Variants in GPM6A observed in about 807,000 individuals in gnomAD.
The protein encoded by GPM6A is neuronal membrane glycoprotein M6-a.
Under a neutral mutation model 32.1 loss-of-function variants are expected in GPM6A, and 7 were observed. The ratio of observed to expected loss-of-function variants is 0.22; its 90% CI spans 0.12 to 0.41. The LOEUF is 0.41. GPM6A is among the 10% of genes least tolerant of loss of function. GPM6A has a pLI of 1.00. For synonymous variants in GPM6A, 130 were observed against 123.4 expected, an observed-to-expected ratio of 1.05 and a Z score of -0.35; for missense variants, 235 against 347.2, an observed-to-expected ratio of 0.68 and a Z score of 2.57.
At chr4:175,896,229 G>C (rs1339670171) in intron 1 of GPM6A, among the ~76,000 whole-genome samples, 1 of 152,080 alleles carries the variant, frequency 6.6e-6, no homozygotes, top group Non-Finnish European at 1.5e-5. Flanking sequence ...AAGGTAGATG[G>C]TAAGATCCCA....
chr4:175,824,175 T>A (rs1449004047), intron 1 of GPM6A, among the ~76,000 whole-genome samples: 1 of 152,196 alleles, frequency 6.6e-6, no homozygotes, highest in Non-Finnish European at 1.5e-5. Flanking sequence ...TTTGGATAGA[T>A]ATTTGGCCAG....
At chr4:175,840,976 ATTAC>A (rs1560959838) in intron 1 of GPM6A, among the ~76,000 whole-genome samples, 4 of 152,222 alleles carry the variant, frequency 2.6e-5, no homozygotes, top group African/African-American at 9.6e-5. Flanking sequence ...AACTCTGCTT[ATTAC>A]TTACTTATTA....
chr4:175,866,894 T>A (rs1736758655), intron 1 of GPM6A, among the ~76,000 whole-genome samples: 1 of 151,700 alleles, frequency 6.6e-6, no homozygotes, highest in South Asian at 2.1e-4. Context: ...AATGAATGAG[T>A]GTTTTGGATG....
chr4:175,672,359 G>C (rs1349870838), intron 3 of GPM6A, among the ~76,000 whole-genome samples: 2 of 152,192 alleles, frequency 1.3e-5, no homozygotes, highest in African/African-American at 2.4e-5. Flanking sequence ...TAAAAGGTAA[G>C]TAACTTGCCA....
chr4:175,670,372 CA>C (rs1560864266), intron 3 of GPM6A, among the ~76,000 whole-genome samples: 1 of 151,860 alleles, frequency 6.6e-6, no homozygotes, highest in Non-Finnish European at 1.5e-5. Flanking sequence ...GGGATGGGGG[CA>C]AAAAATATCT....
intron 1 of GPM6A, among the ~76,000 whole-genome samples, chr4:175,840,786 G>T (rs747951695): frequency 3.2e-4 from 48 of 152,182 alleles, no homozygotes; most frequent in Non-Finnish European, 5.3e-4. Flanking sequence ...TATCCAAAGG[G>T]CTAAGTCATA....
chr4:175,885,767 CG>C (rs1412579037), intron 1 of GPM6A, among the ~76,000 whole-genome samples: 1 of 152,126 alleles, frequency 6.6e-6, no homozygotes, highest in Non-Finnish European at 1.5e-5. Context: ...TAGTCTTAAT[CG>C]GGGTGGTGGT....
intron 2 of GPM6A, among the ~76,000 whole-genome samples, chr4:175,685,916 AGTGTGT>A (rs56903622): frequency 5.4e-5 from 8 of 149,420 alleles, no homozygotes; most frequent in South Asian, 2.1e-4. Context: ...GATCATTAAA[AGTGTGT>A]GTGTGTGTGT....
At chr4:175,941,567 G>C (rs1253721146) in intron 1 of GPM6A, among the ~76,000 whole-genome samples, 1 of 151,970 alleles carries the variant, frequency 6.6e-6, no homozygotes, top group Non-Finnish European at 1.5e-5. Flanking sequence ...AACAGGCCCT[G>C]GTGTGTGATG....
intron 1 of GPM6A, among the ~76,000 whole-genome samples, chr4:175,973,871 T>C (rs965794777): frequency 2.0e-5 from 3 of 152,354 alleles, no homozygotes; most frequent in South Asian, 2.1e-4. Context: ...GCTGACTTTT[T>C]TTTCACCAGC....
intron 3 of GPM6A, among the ~76,000 whole-genome samples, chr4:175,667,293 C>T (rs996443560): frequency 6.6e-6 from 1 of 152,226 alleles, no homozygotes; most frequent in African/African-American, 2.4e-5. Flanking sequence ...ATCTCTGTAA[C>T]CTTCCTCCTC....
chr4:175,771,721 T>C (rs1733200648), intron 1 of GPM6A, among the ~76,000 whole-genome samples: 1 of 152,176 alleles, frequency 6.6e-6, no homozygotes. Context: ...TGGCTCATTT[T>C]ATTTATTCAT....
chr4:175,648,103 A>G (rs1436091506), intron 4 of GPM6A, among the ~76,000 whole-genome samples: 1 of 151,890 alleles, frequency 6.6e-6, no homozygotes, highest in African/African-American at 2.4e-5. Flanking sequence ...ATAATATAGC[A>G]CATTCTTTTC....
chr4:175,938,764 T>C (rs1739320311), intron 1 of GPM6A, among the ~76,000 whole-genome samples: 1 of 148,128 alleles, frequency 6.8e-6, no homozygotes, highest in Non-Finnish European at 1.5e-5. Flanking sequence ...TGACAAATAC[T>C]CAAGGTGATA....
At chr4:175,966,148 T>C (rs1341791121) in intron 1 of GPM6A, among the ~76,000 whole-genome samples, 1 of 152,148 alleles carries the variant, frequency 6.6e-6, no homozygotes, top group African/African-American at 2.4e-5. Flanking sequence ...GGCTTATGCC[T>C]GTAATCCCAG....
At chr4:175,700,192 G>A (rs909663004) in intron 2 of GPM6A, among the ~76,000 whole-genome samples, 11 of 151,300 alleles carry the variant, frequency 7.3e-5, no homozygotes, top group Admixed American at 7.3e-4. Context: ...CATTTTCAGG[G>A]GAAATTAGTA....
chr4:175,892,399 C>T (rs1495709), intron 1 of GPM6A, among the ~76,000 whole-genome samples: 1,753 of 152,278 alleles, frequency 0.012, 34 homozygotes, highest in African/African-American at 0.04. Flanking sequence ...ATGTCCAATA[C>T]TGTCTATCCT....
intron 1 of GPM6A, among the ~76,000 whole-genome samples, chr4:175,834,332 CT>C (rs1369315949): frequency 2.6e-5 from 4 of 152,092 alleles, no homozygotes; most frequent in Admixed American, 6.6e-5. Context: ...TGTTCGGCTG[CT>C]TTTTTTAGTT....
chr4:175,805,651 T>C (rs1734666439), intron 1 of GPM6A, among the ~76,000 whole-genome samples: 1 of 152,236 alleles, frequency 6.6e-6, no homozygotes, highest in South Asian at 2.1e-4. Flanking sequence ...GAAAGTGTCT[T>C]TCTTTCTTTG....
Sources: gnomAD v4.1 joint callset for allele counts (sites outside exome capture counted in the v4.1 genomes callset) on GRCh38, gnomAD v4.1.1 for gene constraint, MANE v1.5 for transcripts, NCBI Gene and HGNC (gene_info 2026-07-23, HGNC 2026-07-21) for gene names.